Variants in TRMT11 observed in about 807,000 individuals in gnomAD.
TRMT11 encodes the protein tRNA methyltransferase 11.
A neutral mutation model predicts 62.8 loss-of-function variants in TRMT11; 53 were observed. The observed-to-expected ratio is 0.84, with a 90% CI of 0.68 to 1.06. The LOEUF (loss-of-function observed/expected upper bound fraction) is 1.06. TRMT11 is among the 50% of genes least tolerant of loss of function. The probability of loss-of-function intolerance (pLI) is 0.00; values close to 1 mark genes in which losing one functional copy is unlikely to be tolerated. For missense variants in TRMT11, 556 were observed against 553.4 expected (o/e 1.00, Z -0.05); for synonymous variants, 188 against 190.3 (o/e 0.99, Z 0.10).
At chr6:126,104,014 T>C (rs534269595) in intron 17 of TRMT11, among the ~76,000 whole-genome samples, 426 of 152,296 alleles carry the variant, frequency 2.8e-3, no homozygotes, top group Non-Finnish European at 4.8e-3. Flanking sequence ...TGTACAAAGA[T>C]TTGAGACAAT....
intron 12 of TRMT11, among the ~76,000 whole-genome samples, chr6:126,032,428 G>A (rs568763003): frequency 6.6e-5 from 10 of 152,250 alleles, no homozygotes; most frequent in South Asian, 6.2e-4. Flanking sequence ...CACCCTGGCC[G>A]TAGTCTTTCA....
the TRMT11 span, among the ~76,000 whole-genome samples, chr6:126,215,926 C>T: frequency 3.9e-5 from 6 of 151,958 alleles, no homozygotes; most frequent in Non-Finnish European, 8.8e-5. Flanking sequence ...CTGTTGATTT[C>T]TTGTACTGTC....
At chr6:126,270,941 C>G in the TRMT11 span, among the ~76,000 whole-genome samples, 2 of 152,136 alleles carry the variant, frequency 1.3e-5, no homozygotes, top group East Asian at 3.8e-4. Context: ...TTATTTTGGT[C>G]ACATTTTGCT....
chr6:125,991,837 C>A (rs1036930552), intron 1 of TRMT11, among the ~76,000 whole-genome samples: 1 of 152,140 alleles, frequency 6.6e-6, no homozygotes, highest in African/African-American at 2.4e-5. Context: ...TAATGTAGTA[C>A]TTATTGTACT....
Position 126,129,758 on chromosome 6 carries a change from G to A in TRMT11, c.*1823+13903G>A, listed in dbSNP as rs1037554269. Among the ~76,000 whole-genome samples, 5 of 151,996 alleles carry A rather than the reference G, an allele frequency of 3.3e-5. No homozygotes were observed. The South Asian group carries it at 6.2e-4, about 19-fold the overall frequency. On this transcript the variant is annotated intron_variant and NMD_transcript_variant, in intron 21 of 22. Transcript: ENST00000648977. Reference sequence around the variant, plus strand: ...CCAGGCTACATTCCTCTTTAAAGTAGCATTATATAAAATTGTATTTCCGTC... The same window carrying A: ...CCAGGCTACATTCCTCTTTAAAGTAACATTATATAAAATTGTATTTCCGTC...
the TRMT11 span, among the ~76,000 whole-genome samples, chr6:126,265,292 A>G: frequency 6.6e-6 from 1 of 152,138 alleles, no homozygotes; most frequent in Non-Finnish European, 1.5e-5. Context: ...TATAATTGTA[A>G]TATTTACCTC....
chr6:126,030,639 G>A (rs893788954), intron 12 of TRMT11, among the ~76,000 whole-genome samples: 2 of 152,128 alleles, frequency 1.3e-5, no homozygotes, highest in Admixed American at 6.5e-5. Context: ...TGAAGCTGCT[G>A]TTTTGTATAA....
At chr6:126,258,102 T>G in the TRMT11 span, 1 of 973,842 alleles carries the variant, frequency 1.0e-6, no homozygotes, top group Non-Finnish European at 1.7e-6. Context: ...TGGGATCTCC[T>G]TTTCCTGGCA....
chr6:126,111,326 A>G (rs1777528902), intron 17 of TRMT11, among the ~76,000 whole-genome samples: 5 of 152,140 alleles, frequency 3.3e-5, no homozygotes, highest in Admixed American at 1.3e-4. Context: ...TTAAGGATGT[A>G]AAGAACATTA....
chr6:126,086,765 T>C (rs1777221648), intron 17 of TRMT11, among the ~76,000 whole-genome samples: 1 of 152,190 alleles, frequency 6.6e-6, no homozygotes, highest in African/African-American at 2.4e-5. Context: ...CTAAGTTTCA[T>C]TACATCACGT....
chr6:126,248,565 G>C, the TRMT11 span, among the ~76,000 whole-genome samples: 1,366 of 151,872 alleles, frequency 9.0e-3, 15 homozygotes, highest in South Asian at 0.038. Flanking sequence ...TTCCACCCCC[G>C]TTCTCCATTC....
the TRMT11 span, among the ~76,000 whole-genome samples, chr6:126,248,346 A>C: frequency 3.9e-5 from 6 of 152,192 alleles, no homozygotes. Flanking sequence ...TAAAGTATTC[A>C]GAAATGATGG....
At chr6:126,052,159 T>G (rs1333762856) in intron 16 of TRMT11, among the ~76,000 whole-genome samples, 2 of 152,218 alleles carry the variant, frequency 1.3e-5, no homozygotes, top group African/African-American at 2.4e-5. Flanking sequence ...TTGGGTGATG[T>G]GCTTCTGCCC....
the TRMT11 span, among the ~76,000 whole-genome samples, chr6:126,260,969 C>T: frequency 6.6e-6 from 1 of 152,136 alleles, no homozygotes; most frequent in African/African-American, 2.4e-5. Context: ...GTTTGTATAT[C>T]TTCCAATATG....
At chr6:126,006,921 C>T (rs1024318698) in intron 7 of TRMT11, 1 of 151,998 alleles carries the variant, frequency 6.6e-6, no homozygotes, top group Non-Finnish European at 1.5e-5. Flanking sequence ...CACAGGAAAG[C>T]TTTTCTGTTC....
chr6:125,998,532 T>C lies in TRMT11; in HGVS notation c.388-18T>C. On this transcript the variant is annotated intron_variant, in intron 5 of 12. Coordinates refer to ENST00000334379, the MANE Select transcript of TRMT11 (RefSeq NM_001031712.3). ...GTAAATTATTATAAGACATCAGCAT[T>C]TCTTTTGTTTCTTTTAGGCACTTGA... The C allele has an allele frequency of 6.2e-7, 1 of 1,604,630 alleles. No individual in the cohort carries two copies. Among genetic ancestry groups the C allele is most frequent in the South Asian group, 1.1e-5 (1 of 89,394 alleles).
rs977710234 is a variant in TRMT11, at chr6:126,079,210, G to A, written c.*1437+26020G>A. On this transcript the variant is annotated intron_variant and NMD_transcript_variant, in intron 17 of 22. Transcript: ENST00000648977. ...TATTTATTTATTTTTCTACGGTAGGGGATTTATTTTTTTACTGAAGTTATA... is the reference window on the plus strand; with the variant it reads ...TATTTATTTATTTTTCTACGGTAGGAGATTTATTTTTTTACTGAAGTTATA... 1.3e-4 allele frequency among the ~76,000 whole-genome samples: 19 copies of A among 151,956 alleles called. 1 individual carries two copies. The highest frequency in any genetic ancestry group is 1.5e-5 in the Non-Finnish European group (1 of 67,990).
chr6:126,191,464 C>CTTTTTTTTTTTTTTTTTTTTT (rs77414207), intron 1 of TRMT11, among the ~76,000 whole-genome samples: 5 of 102,372 alleles, frequency 4.9e-5, no homozygotes, highest in African/African-American at 7.0e-5. Flanking sequence ...TCCTACTTGT[C>CTTTTTTTTTTTTTTTTTTTTT]TTTTTTTTTT....
At chr6:126,184,472 TA>T (rs1426627086) in intron 1 of TRMT11, among the ~76,000 whole-genome samples, 1 of 152,172 alleles carries the variant, frequency 6.6e-6, no homozygotes, top group African/African-American at 2.4e-5. Flanking sequence ...ACATTACATA[TA>T]ATACTTCAAT....
Sources: gnomAD v4.1 joint callset for allele counts (sites outside exome capture counted in the v4.1 genomes callset) on GRCh38, gnomAD v4.1.1 for gene constraint, MANE v1.5 for transcripts, NCBI Gene and HGNC (gene_info 2026-07-23, HGNC 2026-07-21) for gene names.